Variants in PKD1L1 observed in about 807,000 individuals in gnomAD.
PKD1L1 encodes polycystin 1 like 1, transient receptor potential channel interacting, also known as polycystin-1-like protein 1.
In PKD1L1, 236 loss-of-function variants were observed where a neutral mutation model predicts 323.4. That is an observed-to-expected ratio of 0.73 (90% CI 0.66 to 0.81). The LOEUF is 0.81. Among genes scored for constraint, PKD1L1 ranks in the 40% least tolerant of loss-of-function variants. The pLI, the probability that PKD1L1 is intolerant of heterozygous loss-of-function variation, is 0.00. For synonymous variants in PKD1L1, 1,344 were observed against 1,335.0 expected, an observed-to-expected ratio of 1.01 and a Z score of -0.15; for missense variants, 3,320 against 3,508.0, an observed-to-expected ratio of 0.95 and a Z score of 1.35.
At chr7:47,814,537 G>A (rs1423054552) in intron 47 of PKD1L1, among the ~76,000 whole-genome samples, 3 of 152,044 alleles carry the variant, frequency 2.0e-5, no homozygotes, top group Admixed American at 6.6e-5. Context: ...GTGCCACCAC[G>A]CGCGGCTAAT....
At position 47,796,804 on chromosome 7, in the gene PKD1L1, G is replaced by A. The variant is rs945315199; in HGVS notation, c.8194-654C>T. 3.5e-5 allele frequency among the ~76,000 whole-genome samples: 5 copies of A among 143,066 alleles called. No individual in the cohort carries two copies. In the East Asian group the frequency reaches 1.0e-3, roughly 29 times the overall value. The allele number at this position is 143,066 out of a possible 152,430, so 93.9% of individuals were successfully genotyped here. On this transcript the variant is annotated intron_variant, in intron 54 of 56. Coordinates refer to ENST00000289672, the MANE Select transcript of PKD1L1 (RefSeq NM_138295.5). ...AGATTGAAACCATCCTGGCTAACAT[G>A]GTGAAACCCTGTCTCTCCTAAATTA...
intron 50 of PKD1L1, 111 bp downstream of exon 50, chr7:47,811,706 G>A (rs1562941137): frequency 2.5e-6 from 2 of 794,770 alleles, no homozygotes; most frequent in Non-Finnish European, 2.0e-6. Context: ...TGTGACCGGA[G>A]GGGCAGGTGA....
chr7:47,805,489 G>A (rs771581925), intron 52 of PKD1L1, among the ~76,000 whole-genome samples: 63 of 152,380 alleles, frequency 4.1e-4, no homozygotes, highest in Admixed American at 1.6e-3. Flanking sequence ...AGGGAAAGCC[G>A]TAGTGTGGGC....
the PKD1L1 span, among the ~76,000 whole-genome samples, chr7:47,957,679 A>T: frequency 6.6e-6 from 1 of 151,882 alleles, no homozygotes; most frequent in South Asian, 2.1e-4. Context: ...TATTTTTTGT[A>T]GAGAAAGGGT....
chr7:47,921,897 C>G (rs1787550210), intron 7 of PKD1L1, among the ~76,000 whole-genome samples: 1 of 151,456 alleles, frequency 6.6e-6, no homozygotes, highest in Non-Finnish European at 1.5e-5. Context: ...TCCCCTCCCC[C>G]TCCCCTTCCC....
the PKD1L1 span, among the ~76,000 whole-genome samples, chr7:47,954,166 C>T: frequency 2.6e-5 from 4 of 152,184 alleles, no homozygotes; most frequent in Non-Finnish European, 4.4e-5. Context: ...CCAACCAAAC[C>T]TCTATGAGCC....
chr7:47,958,857 T>G, the PKD1L1 span, among the ~76,000 whole-genome samples: 1 of 151,996 alleles, frequency 6.6e-6, no homozygotes, highest in Admixed American at 6.6e-5. Context: ...TTCCACGGTC[T>G]CCCACTGATG....
intron 16 of PKD1L1, among the ~76,000 whole-genome samples, chr7:47,888,653 T>C (rs1786738609): frequency 6.6e-6 from 1 of 152,228 alleles, no homozygotes; most frequent in African/African-American, 2.4e-5. Context: ...CAAAGAAAGA[T>C]GTCTCCACTG....
intron 28 of PKD1L1, among the ~76,000 whole-genome samples, chr7:47,856,846 A>C (rs1376498454): frequency 6.6e-6 from 1 of 152,230 alleles, no homozygotes; most frequent in Non-Finnish European, 1.5e-5. Context: ...TTGTCCATAC[A>C]TCCATCAGAC....
In PKD1L1 at chr7:47,833,172, G is replaced by A. The variant is rs1317335307; in HGVS notation, c.6255C>T (p.Ala2085=). ...AASDNGTACP[A]PKLQVHGADH... is the part of the protein sequence containing the mutation. ...CAGCCCCATGAACCTGCAGCTTAGG[G>A]GCTGGACAAGCTGTGCCATTGTCAC... The change falls in exon 41 of 57, where the codon GCC becomes GCT. Residue 2085 remains alanine (A), a synonymous_variant. Coordinates refer to ENST00000289672, the MANE Select transcript of PKD1L1 (RefSeq NM_138295.5). 1 of 1,612,892 alleles carries A rather than the reference G, an allele frequency of 6.2e-7. No individual in the cohort carries two copies. The highest frequency in any genetic ancestry group is 1.7e-4 in the Middle Eastern group (1 of 6,054).
intron 31 of PKD1L1, among the ~76,000 whole-genome samples, chr7:47,850,008 G>A (rs982740429): frequency 6.6e-6 from 1 of 152,148 alleles, no homozygotes; most frequent in African/African-American, 2.4e-5. Flanking sequence ...ATAGGACTTT[G>A]GGGACTTAGG....
At chr7:47,910,095 T>C (rs920012864) in intron 8 of PKD1L1, among the ~76,000 whole-genome samples, 1 of 152,118 alleles carries the variant, frequency 6.6e-6, no homozygotes, top group Non-Finnish European at 1.5e-5. Context: ...CCAAAATAAT[T>C]TTGCACAGGA....
chr7:47,805,265 C>A (rs536377620), intron 52 of PKD1L1, among the ~76,000 whole-genome samples: 2 of 152,206 alleles, frequency 1.3e-5, no homozygotes, highest in Admixed American at 6.5e-5. Flanking sequence ...AAAGCCTGTG[C>A]ATTTTCATTT....
At chr7:47,906,096 T>C in intron 9 of PKD1L1, 134 bp from the exon 10 acceptor site, 1 of 842,168 alleles carries the variant, frequency 1.2e-6, no homozygotes, top group East Asian at 3.1e-5. Flanking sequence ...ATTCTAAGCA[T>C]GTGCTCTGAA....
rs1194972148 is a variant in PKD1L1 at position 47,839,182 on chromosome 7, C to A, written c.5769+264G>T. On this transcript the variant is annotated intron_variant, in intron 36 of 56. Coordinates refer to ENST00000289672, the MANE Select transcript of PKD1L1 (RefSeq NM_138295.5). This position sits in a 1 kb window ranked among gnomAD's most constrained non-coding sequence, Gnocchi z 4.3. ...TCTGGACATCACAGACCACCAGCAA[C>A]CATAAATTCCAGCAATGCTATTACA... Among the ~76,000 whole-genome samples, 2 of 152,138 alleles carry A rather than the reference C, an allele frequency of 1.3e-5. No individual in the cohort carries two copies. The highest frequency in any genetic ancestry group is 4.8e-5 in the African/African-American group (2 of 41,420).
chr7:47,850,586 C>G (rs373277271), intron 31 of PKD1L1, among the ~76,000 whole-genome samples: 31 of 129,726 alleles, frequency 2.4e-4, no homozygotes, highest in African/African-American at 9.2e-4. Context: ...GAGCCGAGAT[C>G]ACACCATTGC....
At chr7:47,786,061 C>T (rs1786800021) in intron 56 of PKD1L1, among the ~76,000 whole-genome samples, 1 of 152,094 alleles carries the variant, frequency 6.6e-6, no homozygotes, top group Non-Finnish European at 1.5e-5. Flanking sequence ...TTTTAAAAAG[C>T]CCCTTCTAGC....
intron 46 of PKD1L1, among the ~76,000 whole-genome samples, chr7:47,820,057 T>G (rs892995955): frequency 6.6e-6 from 1 of 152,178 alleles, no homozygotes; most frequent in Non-Finnish European, 1.5e-5. Context: ...GAACCAATAT[T>G]ATTTCATATC....
intron 26 of PKD1L1, among the ~76,000 whole-genome samples, chr7:47,859,921 C>G (rs1785990109): frequency 6.6e-6 from 1 of 152,156 alleles, no homozygotes; most frequent in South Asian, 2.1e-4. Context: ...AGCCACCACA[C>G]CCAGCCTATT....
Sources: allele counts gnomAD v4.1 joint callset (sites outside exome capture counted in the v4.1 genomes callset), GRCh38; gene constraint gnomAD v4.1.1; non-coding constraint Gnocchi (gnomAD v3.1); transcripts MANE v1.5; gene names NCBI Gene and HGNC (gene_info 2026-07-23, HGNC 2026-07-21).